SPAG8: variants seen among roughly 807,000 people sequenced by gnomAD.
SPAG8 encodes sperm-associated antigen 8.
SPAG8 carries 36 observed loss-of-function variants against 45.3 expected under a neutral mutation model. The observed-to-expected ratio is 0.80, with a 90% CI of 0.61 to 1.05. The LOEUF (loss-of-function observed/expected upper bound fraction) is 1.05, where lower values mean the gene tolerates loss of function less well. Ranked by LOEUF, SPAG8 falls within the 50% of genes least tolerant of loss-of-function variation. The pLI is 0.00. For synonymous variants in SPAG8, 227 were observed against 232.6 expected (o/e 0.98, Z 0.22); for missense variants, 573 against 609.2 (o/e 0.94, Z 0.63).
chr9:35,808,413 GGAT>G, downstream of SPAG8: 1 of 1,438,188 alleles, frequency 7.0e-7, no homozygotes, highest in South Asian at 1.2e-5. The surrounding 1 kb of genome is among the most constrained non-coding windows in gnomAD (Gnocchi z 4.0). Flanking sequence ...CAGCATGTCA[GGAT>G]GATTAATGAT....
In SPAG8 at chr9:35,811,492, G is replaced by A. The variant is rs1419326509; in HGVS notation, c.554C>T (p.Pro185Leu). ...PGPGSGPGSG[P>L]GHGSGSHPGP... ...AGGATGAGAGCCAGAGCCATGACCA[G>A]GACCAGAGCCAGGACCAGAGCCAGG... Residue 185 changes from proline (P) to leucine (L), a missense_variant, in exon 2 of 7, where the codon CCT becomes CTT. Transcript: ENST00000396638. 1.3e-5 allele frequency: 13 copies of A among 989,842 alleles called. No individual in the cohort carries two copies. The highest frequency in any genetic ancestry group is 1.7e-5 in the Non-Finnish European group (13 of 750,314). 61.3% of individuals were successfully genotyped at this position (989,842 alleles called of 1,614,324 possible).
downstream of SPAG8, chr9:35,809,736 G>T (rs1044474079): frequency 8.1e-6 from 11 of 1,359,592 alleles, no homozygotes; most frequent in East Asian, 7.1e-5. This position sits in a 1 kb window ranked among gnomAD's most constrained non-coding sequence, Gnocchi z 4.1. Flanking sequence ...ATGTCATAGT[G>T]TGGGATAGGG....
chr9:35,809,844 T>G lies in SPAG8; in HGVS notation c.*94A>C. The G allele has an allele frequency of 3.9e-6, 6 of 1,534,932 alleles. No individual in the cohort carries two copies. In the South Asian group the frequency reaches 7.8e-5, roughly 20 times the overall value. ...GAGAGAGAACCCTTTATGTAAAGCCTCTTCAAGTACAGTGAGAATTAACTT... is the reference window on the plus strand; with the variant it reads ...GAGAGAGAACCCTTTATGTAAAGCCGCTTCAAGTACAGTGAGAATTAACTT... On this transcript the variant is annotated 3_prime_UTR_variant, in exon 7 of 7. Transcript: ENST00000396638. This position sits in a 1 kb window ranked among gnomAD's most constrained non-coding sequence, Gnocchi z 4.1.
Position 35,811,703 on chromosome 9 carries a change from G to A in SPAG8, c.343C>T (p.Pro115Ser). 6.2e-7 allele frequency: 1 copy of A among 1,614,240 alleles called. No homozygotes were observed. The highest frequency in any genetic ancestry group is 8.5e-7 in the Non-Finnish European group (1 of 1,180,052). The stretch of plus-strand genomic sequence containing the variant: ...TGAGCAATACAGGAAACATAGACGG[G>A]CTCAAAGCCAAGACTCCCATGGGCT... The part of the protein sequence containing the change: ...NIAHGSLGFE[P>S]VYVSCIAQDT... The change falls in exon 2 of 7, where the codon CCC becomes TCC. Residue 115 changes from proline (P) to serine (S), a missense_variant. By Grantham distance (74) the Pro-to-Ser change is moderately conservative (BLOSUM62 -1). Transcript: ENST00000396638.
At position 35,812,148 on chromosome 9, in the gene SPAG8, C is replaced by A; in HGVS notation, c.-1G>T. ...CCTCCGTAGACTCGTTGGTCTCCAT[C>A]TTCAGACTCCAGCTACTGGGTTGCC... On this transcript the variant is annotated 5_prime_UTR_variant, in exon 1 of 7. Coordinates refer to ENST00000396638, the MANE Select transcript of SPAG8 (RefSeq NM_001039592.2). 6.2e-7 allele frequency: 1 copy of A among 1,605,558 alleles called. No individual in the cohort carries two copies.
downstream of SPAG8, chr9:35,808,461 C>G (rs949310639): frequency 7.5e-6 from 12 of 1,589,700 alleles, no homozygotes; most frequent in Non-Finnish European, 1.0e-5. This position sits in a 1 kb window ranked among gnomAD's most constrained non-coding sequence, Gnocchi z 4.0. Flanking sequence ...TTTTTCCCAT[C>G]CCCATGGATA....
downstream of SPAG8, chr9:35,808,106 T>C: frequency 8.5e-7 from 1 of 1,182,076 alleles, no homozygotes; most frequent in Non-Finnish European, 1.3e-6. This position sits in a 1 kb window ranked among gnomAD's most constrained non-coding sequence, Gnocchi z 4.0. Flanking sequence ...CAAAATCAAA[T>C]GCCTGCTTTC....
In SPAG8 at chr9:35,811,464, A is replaced by T; in HGVS notation, c.582T>A (p.Gly194=). The T allele has an allele frequency of 6.2e-7, 1 of 1,613,540 alleles. No individual in the cohort carries two copies. Among genetic ancestry groups the T allele is most frequent in the Non-Finnish European group, 8.5e-7 (1 of 1,179,632 alleles). ...GPGHGSGSHP[G]PASGPGPDTG... ...TGTCTGGACCAGGCCCAGAGGCAGG[A>T]CCAGGATGAGAGCCAGAGCCATGAC... is the stretch of plus-strand genomic sequence containing the variant. Residue 194 remains glycine (G), a synonymous_variant, in exon 2 of 7, where the codon GGT becomes GGA. Coordinates refer to ENST00000396638, the MANE Select transcript of SPAG8 (RefSeq NM_001039592.2).
chr9:35,809,120 C>T (rs79885528), downstream of SPAG8: 1,790 of 1,563,808 alleles, frequency 1.1e-3, 11 homozygotes, highest in African/African-American at 0.02. This position sits in a 1 kb window ranked among gnomAD's most constrained non-coding sequence, Gnocchi z 4.1. Context: ...TCTTTGATTC[C>T]TCATTCCACC....
chr9:35,811,416 G>T lies in SPAG8; in HGVS notation c.630C>A (p.Ser210Arg). ...GPDTGPDSEL[S>R]PCIPPGFRNL... Reference sequence around the variant, plus strand: ...TTCTGAACCCTGGAGGAATACAGGGGCTGAGCTCAGAGTCAGGGCCAGTGT... The same window carrying T: ...TTCTGAACCCTGGAGGAATACAGGGTCTGAGCTCAGAGTCAGGGCCAGTGT... The change falls in exon 2 of 7, where the codon AGC becomes AGA. Residue 210 changes from serine (S) to arginine (R), a missense_variant. By Grantham distance (110) the Ser-to-Arg change is moderately radical. Coordinates refer to ENST00000396638, the MANE Select transcript of SPAG8 (RefSeq NM_001039592.2). The T allele has an allele frequency of 6.2e-7, 1 of 1,614,138 alleles. No individual in the cohort carries two copies. The highest frequency in any genetic ancestry group is 1.1e-5 in the South Asian group (1 of 91,082).
Position 35,810,325 on chromosome 9 carries a change from C to CT in SPAG8, c.1201-17dup. On this transcript the variant is annotated splice_polypyrimidine_tract_variant and intron_variant, in intron 5 of 6. Coordinates refer to ENST00000396638, the MANE Select transcript of SPAG8 (RefSeq NM_001039592.2). ...AGTCGTGAGGCTGTGAGGGAGGGTA[C>CT]TGAGTAACTCCTGGCCTTCAGCCCT... 6.2e-7 allele frequency: 1 copy of CT among 1,614,040 alleles called. No individual in the cohort carries two copies. Among genetic ancestry groups the CT allele is most frequent in the South Asian group, 1.1e-5 (1 of 91,090 alleles).
downstream of SPAG8, chr9:35,809,792 G>T (rs1828669923): frequency 1.3e-6 from 2 of 1,555,962 alleles, no homozygotes; most frequent in Non-Finnish European, 1.7e-6. The surrounding 1 kb of genome is among the most constrained non-coding windows in gnomAD (Gnocchi z 4.1). Flanking sequence ...GTGACTCACA[G>T]AATCACTAAA....
rs1221264678 is a variant in SPAG8 at position 35,811,813 on chromosome 9, G to A, written c.233C>T (p.Ala78Val). The change falls in exon 2 of 7, where the codon GCG becomes GTG. Residue 78 changes from alanine to valine, a missense_variant. Ala to Val is a moderately conservative substitution (Grantham distance 64). Coordinates refer to ENST00000396638, the MANE Select transcript of SPAG8 (RefSeq NM_001039592.2). The stretch of plus-strand genomic sequence containing the variant: ...CGGCTCCATGAACTCAGAACAGGGC[G>A]CTGGGGTCTTTGTAGATAATGCAGC... ...KAAALSTKTP[A>V]PCSEFMEPSS... The A allele has an allele frequency of 1.9e-6, 3 of 1,613,492 alleles. No individual in the cohort carries two copies. The highest frequency in any genetic ancestry group is 1.7e-6 in the Non-Finnish European group (2 of 1,179,446).
chr9:35,810,837 C>T (rs916690470), intron 3 of SPAG8, 46 bp downstream of exon 3: 3 of 1,600,046 alleles, frequency 1.9e-6, no homozygotes, highest in African/African-American at 1.3e-5. Context: ...CTCTTCTTCC[C>T]TCTGAGTAAT....
downstream of SPAG8, among the ~76,000 whole-genome samples, chr9:35,807,874 T>C (rs1588070848): frequency 6.6e-6 from 1 of 152,208 alleles, no homozygotes; most frequent in East Asian, 1.9e-4. Context: ...TGGCCTTAGG[T>C]AAGTCACAGA....
Position 35,810,481 on chromosome 9 carries a change from G to T in SPAG8, c.1158C>A (p.Tyr386Ter). 1 of 1,614,178 alleles carries T rather than the reference G, an allele frequency of 6.2e-7. No individual in the cohort carries two copies. The highest frequency in any genetic ancestry group is 8.5e-7 in the Non-Finnish European group (1 of 1,180,030). ...TCCCTGCTTGTGCCAGCTCCATTCG[G>T]TAGTCATGGTGTGTCACAGACTCAA... ...FEVESVTHHD[Y>*]RMELAQAGTP... The change falls in exon 5 of 7, where the codon TAC becomes TAA. Residue 386 changes from tyrosine (Y) to a stop codon, truncating the protein, a stop_gained. Transcript: ENST00000396638. LOFTEE classifies it high-confidence loss of function.
chr9:35,812,221 G>A lies in SPAG8; in HGVS notation c.-74C>T. 3.9e-6 allele frequency: 6 copies of A among 1,558,292 alleles called. No homozygotes were observed. The highest frequency in any genetic ancestry group is 5.2e-6 in the Non-Finnish European group (6 of 1,149,900). ...GGAGCCTGCGCAGAAGTACAGCTGG[G>A]CGGACTTGCAGGTGGCGGTGGAGGC... On this transcript the variant is annotated 5_prime_UTR_variant, in exon 1 of 7. Coordinates refer to ENST00000396638, the MANE Select transcript of SPAG8 (RefSeq NM_001039592.2).
downstream of SPAG8, chr9:35,808,648 A>G: frequency 6.2e-7 from 1 of 1,613,928 alleles, no homozygotes; most frequent in African/African-American, 1.3e-5. This position sits in a 1 kb window ranked among gnomAD's most constrained non-coding sequence, Gnocchi z 4.0. Flanking sequence ...CACCGACCCC[A>G]TGACCAGCTG....
In SPAG8 at chr9:35,811,453, C is replaced by T; in HGVS notation, c.593G>A (p.Gly198Glu). 1 of 1,613,654 alleles carries T rather than the reference C, an allele frequency of 6.2e-7. No individual in the cohort carries two copies. The highest frequency in any genetic ancestry group is 8.5e-7 in the Non-Finnish European group (1 of 1,179,738). Residue 198 changes from glycine (G) to glutamate (E), a missense_variant, in exon 2 of 7, where the codon GGG (glycine) becomes GAG (glutamate). Gly to Glu is a moderately conservative substitution (Grantham distance 98). Transcript: ENST00000396638. ...GTCAGGGCCAGTGTCTGGACCAGGC[C>T]CAGAGGCAGGACCAGGATGAGAGCC... ...GSGSHPGPAS[G>E]PGPDTGPDSE...
Sources: allele counts gnomAD v4.1 joint callset (sites outside exome capture counted in the v4.1 genomes callset), GRCh38; gene constraint gnomAD v4.1.1; non-coding constraint Gnocchi (gnomAD v3.1); transcripts MANE v1.5; gene names NCBI Gene and HGNC (gene_info 2026-07-23, HGNC 2026-07-21).